FMN2: variants seen among roughly 807,000 people sequenced by gnomAD.
FMN2 encodes formin 2.
In FMN2, 51 loss-of-function variants were observed where a neutral mutation model predicts 142.3. The observed-to-expected ratio is 0.36, with a 90% CI of 0.29 to 0.45. The LOEUF (loss-of-function observed/expected upper bound fraction) is 0.45. Ranked by LOEUF, FMN2 falls within the 20% of genes least tolerant of loss-of-function variation. The pLI is 1.00. For missense variants in FMN2, 1,936 were observed against 2,122.8 expected (o/e 0.91, Z 1.73); for synonymous variants, 882 against 869.8 (o/e 1.01, Z -0.25).
intron 15 of FMN2, among the ~76,000 whole-genome samples, chr1:240,425,204 T>TGAGAGACA (rs1674894145): frequency 7.4e-6 from 1 of 134,838 alleles, no homozygotes; most frequent in Non-Finnish European, 1.6e-5. Context: ...TTGAATGAGG[T>TGAGAGACA]GAGAGAGAGA....
At chr1:240,109,248 C>T (rs765197875) in intron 1 of FMN2, among the ~76,000 whole-genome samples, 15 of 152,180 alleles carry the variant, frequency 9.9e-5, no homozygotes, top group Non-Finnish European at 2.1e-4. Context: ...GATTTCTTTA[C>T]AGTGGAATTA....
At chr1:240,292,048 C>T (rs1669811827) in intron 7 of FMN2, among the ~76,000 whole-genome samples, 1 of 152,150 alleles carries the variant, frequency 6.6e-6, no homozygotes, top group South Asian at 2.1e-4. Context: ...TGAAGTAATG[C>T]AGCAGCAAAT....
At chr1:240,106,659 C>T (rs536118816) in intron 1 of FMN2, among the ~76,000 whole-genome samples, 267 of 152,102 alleles carry the variant, frequency 1.8e-3, no homozygotes, top group Non-Finnish European at 2.8e-3. Flanking sequence ...TTTTTAAATA[C>T]TCATCCCCTC....
chr1:240,302,143 C>T (rs1031760301), intron 8 of FMN2, among the ~76,000 whole-genome samples: 4 of 151,928 alleles, frequency 2.6e-5, no homozygotes, highest in African/African-American at 9.7e-5. Flanking sequence ...TTCAACCTCT[C>T]AAATGAAAAC....
chr1:240,181,991 T>A (rs1375759366), intron 3 of FMN2, among the ~76,000 whole-genome samples: 1 of 152,196 alleles, frequency 6.6e-6, no homozygotes, highest in Non-Finnish European at 1.5e-5. Flanking sequence ...CCCATCAGCT[T>A]TCAGAATTTC....
chr1:240,449,241 C>T (rs549973251), intron 16 of FMN2, among the ~76,000 whole-genome samples: 2 of 152,154 alleles, frequency 1.3e-5, no homozygotes, highest in Non-Finnish European at 2.9e-5. Context: ...GTTTAATGAA[C>T]ACTTCACCCT....
At chr1:240,343,820 A>G (rs944708266) in intron 13 of FMN2, among the ~76,000 whole-genome samples, 18 of 152,200 alleles carry the variant, frequency 1.2e-4, no homozygotes, top group Non-Finnish European at 2.4e-4. Context: ...CGTAGTGAGC[A>G]GATCAATCTC....
chr1:240,444,014 C>CT (rs375895533), intron 16 of FMN2, among the ~76,000 whole-genome samples: 70 of 151,984 alleles, frequency 4.6e-4, no homozygotes, highest in African/African-American at 1.2e-3. Context: ...GAATGTGTGT[C>CT]TTTTTTTTAC....
chr1:240,121,951 A>G (rs991839480), intron 1 of FMN2, among the ~76,000 whole-genome samples: 2 of 151,638 alleles, frequency 1.3e-5, no homozygotes, highest in African/African-American at 4.8e-5. Context: ...GGACACTGTG[A>G]ATGTCAGTCA....
intron 16 of FMN2, among the ~76,000 whole-genome samples, chr1:240,465,289 A>ACC (rs1676574581): frequency 2.0e-5 from 1 of 49,756 alleles, no homozygotes; most frequent in African/African-American, 1.5e-4. Context: ...AATCTCCACC[A>ACC]CCTCTCTCCT....
Position 240,443,315 on chromosome 1 carries a change from A to C in FMN2, c.5060+5105A>C, listed in dbSNP as rs10926261. On this transcript the variant is annotated intron_variant, in intron 16 of 17. Transcript: ENST00000319653. ...AATCAGAAAAATTATTTTTTCATCT[A>C]CTTGGAACTAGACATGTACAATTGT... Among the ~76,000 whole-genome samples the C allele has an allele frequency of 6.7e-3, 1,020 of 152,342 alleles. 11 individuals carry two copies. Among genetic ancestry groups the C allele is most frequent in the African/African-American group, 0.023 (965 of 41,572 alleles).
intron 2 of FMN2, among the ~76,000 whole-genome samples, chr1:240,159,756 C>T (rs191239243): frequency 2.0e-5 from 3 of 151,908 alleles, no homozygotes; most frequent in African/African-American, 7.2e-5. Context: ...ATAATGCATG[C>T]TCACTGAGAG....
intron 1 of FMN2, among the ~76,000 whole-genome samples, chr1:240,099,738 A>G (rs1661349400): frequency 6.6e-6 from 1 of 151,974 alleles, no homozygotes; most frequent in African/African-American, 2.4e-5. Context: ...TCCTCTTTGT[A>G]TCTTTTCCAG....
Position 240,184,375 on chromosome 1 carries a change from T to C in FMN2, c.1931-3832T>C, listed in dbSNP as rs560427126. Among the ~76,000 whole-genome samples, 10 of 150,954 alleles carry C rather than the reference T, an allele frequency of 6.6e-5. No individual in the cohort carries two copies. The South Asian group carries it at 1.5e-3, about 22-fold the overall frequency. ...CGTCAGCCTCCCGAGTAGCTGGGAC[T>C]GCAGGTGCCCACCACCAGGCCGGCT... On this transcript the variant is annotated intron_variant, in intron 3 of 17. Transcript: ENST00000319653.
chr1:240,386,032 T>C (rs1673395940), intron 14 of FMN2, among the ~76,000 whole-genome samples: 1 of 152,208 alleles, frequency 6.6e-6, no homozygotes. Context: ...TGTTTTATTG[T>C]CCTAAGAACA....
intron 7 of FMN2, among the ~76,000 whole-genome samples, chr1:240,265,040 T>A (rs1250452177): frequency 6.6e-6 from 1 of 152,194 alleles, no homozygotes; most frequent in Admixed American, 6.5e-5. Context: ...CAGGGCTCTC[T>A]GCTCTGGGCA....
At chr1:240,104,267 A>G (rs1211326553) in intron 1 of FMN2, among the ~76,000 whole-genome samples, 1 of 151,412 alleles carries the variant, frequency 6.6e-6, no homozygotes, top group Non-Finnish European at 1.5e-5. Flanking sequence ...TAATCTCTGT[A>G]GTTTTGTCAC....
chr1:240,376,679 G>A (rs1673056714), intron 14 of FMN2, among the ~76,000 whole-genome samples: 1 of 152,042 alleles, frequency 6.6e-6, no homozygotes, highest in African/African-American at 2.4e-5. Flanking sequence ...ATGTGTGTAG[G>A]TTATATGCAA....
At chr1:240,321,568 T>C (rs1013019239) in intron 8 of FMN2, among the ~76,000 whole-genome samples, 2 of 152,206 alleles carry the variant, frequency 1.3e-5, no homozygotes, top group Admixed American at 1.3e-4. Flanking sequence ...GTACAAAAAG[T>C]AAATTGATAT....
Sources: gnomAD v4.1 joint callset for allele counts (sites outside exome capture counted in the v4.1 genomes callset) on GRCh38, gnomAD v4.1.1 for gene constraint, MANE v1.5 for transcripts, NCBI Gene and HGNC (gene_info 2026-07-23, HGNC 2026-07-21) for gene names.